CASK: variants seen among roughly 807,000 people sequenced by gnomAD.
CASK encodes calcium/calmodulin dependent serine protein kinase.
CASK carries 4 observed loss-of-function variants against 82.9 expected under a neutral mutation model. The ratio of observed to expected loss-of-function variants is 0.05; its 90% CI spans 0.02 to 0.11. CASK has a LOEUF of 0.11. CASK is among the 10% of genes least tolerant of loss of function. The pLI is 1.00. For missense variants in CASK, 358 were observed against 720.9 expected (o/e 0.50, Z 5.76); for synonymous variants, 259 against 253.5 (o/e 1.02, Z -0.20).
At chrX:41,877,828 G>A (rs958831279) in intron 1 of CASK, among the ~76,000 whole-genome samples, 8 of 110,956 alleles carry the variant, frequency 7.2e-5, no homozygotes, top group Non-Finnish European at 1.5e-4. Context: ...TAATATCTAC[G>A]TAGGGTAATA....
At chrX:41,656,440 C>A (rs981978976) in intron 8 of CASK, among the ~76,000 whole-genome samples, 1 of 111,987 alleles carries the variant, frequency 8.9e-6, no homozygotes, top group African/African-American at 3.2e-5. Flanking sequence ...AAAGCCAGAA[C>A]AGAAGATATT....
chrX:41,535,860 G>A (rs2064867094), intron 22 of CASK, among the ~76,000 whole-genome samples: 1 of 112,032 alleles, frequency 8.9e-6, no homozygotes, highest in Non-Finnish European at 1.9e-5. Context: ...ACTTTCCTGA[G>A]CAGATGCCCA....
At chrX:41,640,185 A>C (rs1261241036) in intron 8 of CASK, among the ~76,000 whole-genome samples, 6 of 109,221 alleles carry the variant, frequency 5.5e-5, no homozygotes, top group Non-Finnish European at 1.1e-4. Context: ...CGTTCCTACT[A>C]ACAGTGTTAT....
At chrX:41,897,858 G>A (rs1269030977) in intron 1 of CASK, among the ~76,000 whole-genome samples, 4 of 111,642 alleles carry the variant, frequency 3.6e-5, no homozygotes, top group East Asian at 2.8e-4. Flanking sequence ...AGTTGAATTC[G>A]GCTTGCTAGT....
chrX:41,900,853 C>T (rs2072365160), intron 1 of CASK, among the ~76,000 whole-genome samples: 1 of 99,905 alleles, frequency 1.0e-5, no homozygotes, highest in African/African-American at 3.8e-5. Flanking sequence ...TCAAGCAATT[C>T]TCCTGCCTCA....
At chrX:41,609,774 G>A in intron 12 of CASK, 130 bp downstream of exon 12, 1 of 638,015 alleles carries the variant, frequency 1.6e-6, no homozygotes, top group Non-Finnish European at 2.5e-6. Flanking sequence ...GGCCAGGATG[G>A]TCTCAGTCTC....
At chrX:41,574,024 G>T (rs866597466) in intron 15 of CASK, among the ~76,000 whole-genome samples, 34 of 109,855 alleles carry the variant, frequency 3.1e-4, no homozygotes, top group South Asian at 3.9e-4. Flanking sequence ...CTTTTGGATG[G>T]TTTTTTTTTC....
At chrX:41,523,232 C>T (rs770977988) in intron 26 of CASK, among the ~76,000 whole-genome samples, 14 of 112,010 alleles carry the variant, frequency 1.2e-4, no homozygotes, top group Non-Finnish European at 2.1e-4. Context: ...AACATAATGA[C>T]GGAAAATATG....
At chrX:41,805,978 A>AC (rs2070115325) in intron 2 of CASK, among the ~76,000 whole-genome samples, 1 of 111,473 alleles carries the variant, frequency 9.0e-6, no homozygotes, top group African/African-American at 3.3e-5. Flanking sequence ...CTAGGCTAGT[A>AC]CCCCCACAGC....
intron 2 of CASK, among the ~76,000 whole-genome samples, chrX:41,842,762 G>A (rs919071108): frequency 9.0e-6 from 1 of 111,246 alleles, no homozygotes; most frequent in South Asian, 3.8e-4. Flanking sequence ...ATCAATTTGG[G>A]AAATATTTTC....
chrX:41,552,093 ATT>A (rs1218077716), intron 21 of CASK, among the ~76,000 whole-genome samples: 12 of 91,943 alleles, frequency 1.3e-4, no homozygotes, highest in Admixed American at 2.4e-4. Context: ...CACCTGGCTA[ATT>A]TTTTTTTTTT....
At chrX:41,821,570 C>T (rs1230837498) in intron 2 of CASK, among the ~76,000 whole-genome samples, 1 of 112,197 alleles carries the variant, frequency 8.9e-6, no homozygotes, top group African/African-American at 3.2e-5. Flanking sequence ...GACAATATGT[C>T]CAACTCAAAA....
intron 15 of CASK, among the ~76,000 whole-genome samples, chrX:41,575,698 C>G (rs1342413420): frequency 9.0e-6 from 1 of 111,311 alleles, no homozygotes; most frequent in Non-Finnish European, 1.9e-5. Flanking sequence ...AATAAGACAA[C>G]TAAGAAAGCA....
At chrX:41,666,064 T>C in intron 6 of CASK, among the ~76,000 whole-genome samples, 1 of 112,440 alleles carries the variant, frequency 8.9e-6, no homozygotes, top group East Asian at 2.8e-4. Flanking sequence ...CAATTAACAA[T>C]AGTTAGTAAT....
chrX:41,702,792 C>CAAAACA (rs923649180), intron 5 of CASK, among the ~76,000 whole-genome samples: 20 of 111,878 alleles, frequency 1.8e-4, no homozygotes, highest in African/African-American at 5.2e-4. Flanking sequence ...GACTCTGTCT[C>CAAAACA]AAAACAAAAA....
intron 5 of CASK, among the ~76,000 whole-genome samples, chrX:41,735,960 C>T (rs2068487876): frequency 9.0e-6 from 1 of 111,539 alleles, no homozygotes; most frequent in African/African-American, 3.3e-5. Flanking sequence ...CATTTGTTTA[C>T]TGAGTATTGC....
At chrX:41,830,768 C>T (rs1272120343) in intron 2 of CASK, among the ~76,000 whole-genome samples, 3 of 96,734 alleles carry the variant, frequency 3.1e-5, no homozygotes, top group African/African-American at 7.7e-5. Context: ...TGCAGTGAGC[C>T]GAGATCGCGC....
At chrX:41,901,983 A>T (rs2072391394) in intron 1 of CASK, among the ~76,000 whole-genome samples, 2 of 110,874 alleles carry the variant, frequency 1.8e-5, no homozygotes, top group African/African-American at 6.6e-5. Flanking sequence ...GCAGGCCTGG[A>T]GTCTGAGACA....
chrX:41,775,699 G>A (rs1452437134), intron 3 of CASK, among the ~76,000 whole-genome samples: 3 of 105,264 alleles, frequency 2.8e-5, no homozygotes, highest in African/African-American at 1.0e-4. Flanking sequence ...GGAATACTAT[G>A]CAGCCATAAA....
Sources: gnomAD v4.1 joint callset for allele counts (sites outside exome capture counted in the v4.1 genomes callset) on GRCh38, gnomAD v4.1.1 for gene constraint, MANE v1.5 for transcripts, NCBI Gene and HGNC (gene_info 2026-07-23, HGNC 2026-07-21) for gene names.